Variants in MYO16 observed in about 807,000 individuals in gnomAD.
The protein encoded by MYO16 is myosin XVI.
Under a neutral mutation model 205.3 loss-of-function variants are expected in MYO16, and 94 were observed. That is an observed-to-expected ratio of 0.46 (90% CI 0.39 to 0.54). The LOEUF (loss-of-function observed/expected upper bound fraction) is 0.54, where lower values mean the gene tolerates loss of function less well. Ranked by LOEUF, MYO16 falls within the 20% of genes least tolerant of loss-of-function variation. The probability of loss-of-function intolerance (pLI) is 0.00; values close to 1 mark genes in which losing one functional copy is unlikely to be tolerated. For synonymous variants in MYO16, 988 were observed against 954.0 expected (o/e 1.04, Z -0.66); for missense variants, 2,315 against 2,387.5 (o/e 0.97, Z 0.63).
the MYO16 span, among the ~76,000 whole-genome samples, chr13:108,498,294 C>T: frequency 5.9e-5 from 9 of 151,946 alleles, no homozygotes; most frequent in African/African-American, 7.3e-5. Flanking sequence ...CAAGTGAAGG[C>T]GAAGAGGTCC....
intron 16 of MYO16, among the ~76,000 whole-genome samples, chr13:108,946,860 G>C (rs1882960510): frequency 6.6e-6 from 1 of 152,100 alleles, no homozygotes; most frequent in Non-Finnish European, 1.5e-5. Flanking sequence ...TCCCACTTCA[G>C]CCTCCCAAAT....
chr13:108,869,728 T>C (rs1267371575), intron 12 of MYO16, among the ~76,000 whole-genome samples: 17 of 63,142 alleles, frequency 2.7e-4, no homozygotes, highest in East Asian at 1.0e-3. Context: ...GAGACTCCGT[T>C]TCTAAAAAAA....
intron 1 of MYO16, among the ~76,000 whole-genome samples, chr13:108,608,443 G>C (rs554037780): frequency 6.6e-5 from 10 of 152,236 alleles, no homozygotes; most frequent in Non-Finnish European, 1.0e-4. Context: ...ATCGGACCTA[G>C]CCAGAACCCT....
chr13:108,822,918 ATG>A (rs1161181055), intron 8 of MYO16, among the ~76,000 whole-genome samples: 2 of 152,190 alleles, frequency 1.3e-5, no homozygotes, highest in Non-Finnish European at 2.9e-5. Context: ...TTATAATTAA[ATG>A]TGTCACTGAT....
At position 108,961,666 on chromosome 13, in the gene MYO16, A is replaced by G. The variant is rs370572550; in HGVS notation, c.2155+10A>G. ...CAGCTCCTGGAACAAGGTCAGTGGA[A>G]CATGACCTTCTGACATTAACCACAT... is the stretch of plus-strand genomic sequence containing the variant. On this transcript the variant is annotated intron_variant, in intron 18 of 34. Transcript: ENST00000457511. 4 of 1,579,994 alleles carry G rather than the reference A, an allele frequency of 2.5e-6. No individual in the cohort carries two copies. In the African/African-American group the frequency reaches 5.4e-5, roughly 21 times the overall value.
chr13:108,823,511 G>T (rs560011989), intron 9 of MYO16, among the ~76,000 whole-genome samples: 1 of 152,036 alleles, frequency 6.6e-6, no homozygotes, highest in Non-Finnish European at 1.5e-5. Flanking sequence ...AATTTCATGT[G>T]CCATGAGACC....
chr13:108,908,455 T>C (rs1881094116), intron 15 of MYO16, among the ~76,000 whole-genome samples: 1 of 152,206 alleles, frequency 6.6e-6, no homozygotes, highest in Non-Finnish European at 1.5e-5. Flanking sequence ...CTGTAGACAA[T>C]TAAATTGGGA....
At chr13:108,958,037 C>T (rs1380631126) in intron 17 of MYO16, among the ~76,000 whole-genome samples, 1 of 151,622 alleles carries the variant, frequency 6.6e-6, no homozygotes, top group Non-Finnish European at 1.5e-5. Flanking sequence ...GAAAACAGAG[C>T]AGTCAGCAGA....
the MYO16 span, among the ~76,000 whole-genome samples, chr13:108,574,284 G>C: frequency 2.0e-5 from 3 of 152,150 alleles, no homozygotes; most frequent in East Asian, 1.9e-4. Context: ...GGGAAAGTCA[G>C]GAAACTGTCT....
intron 16 of MYO16, among the ~76,000 whole-genome samples, chr13:108,914,106 T>C (rs1881383343): frequency 6.7e-6 from 1 of 150,240 alleles, no homozygotes; most frequent in South Asian, 2.1e-4. Flanking sequence ...TTGTTAATAA[T>C]TAGTGTATTT....
chr13:108,749,164 C>T (rs1030707180), intron 4 of MYO16, among the ~76,000 whole-genome samples: 15 of 151,624 alleles, frequency 9.9e-5, no homozygotes, highest in Non-Finnish European at 1.9e-4. Flanking sequence ...TTATTTTTTG[C>T]AGTGAGAACA....
intron 4 of MYO16, among the ~76,000 whole-genome samples, chr13:108,745,441 A>G (rs952962984): frequency 6.6e-6 from 1 of 152,184 alleles, no homozygotes; most frequent in Non-Finnish European, 1.5e-5. Flanking sequence ...TTTTATCCAT[A>G]AAACAGATGT....
At chr13:108,499,984 G>T in the MYO16 span, among the ~76,000 whole-genome samples, 1 of 151,454 alleles carries the variant, frequency 6.6e-6, no homozygotes, top group Non-Finnish European at 1.5e-5. Context: ...CTCTGCTCCG[G>T]CGGGCCCTCT....
intron 21 of MYO16, among the ~76,000 whole-genome samples, chr13:109,006,064 A>T (rs1157519487): frequency 6.6e-6 from 1 of 152,122 alleles, no homozygotes; most frequent in African/African-American, 2.4e-5. Context: ...AGCTGTCCTT[A>T]TATGGGCTAG....
At chr13:109,123,708 C>A (rs1876106962) in intron 29 of MYO16, among the ~76,000 whole-genome samples, 1 of 152,178 alleles carries the variant, frequency 6.6e-6, no homozygotes. Context: ...AAAACGCTTT[C>A]AGCATTTCAG....
At position 108,782,368 on chromosome 13, in the gene MYO16, G is replaced by A. The variant is rs190743251; in HGVS notation, c.508-3267G>A. 2.0e-4 allele frequency among the ~76,000 whole-genome samples: 31 copies of A among 152,272 alleles called. No individual in the cohort carries two copies. In the East Asian group the frequency reaches 5.4e-3, roughly 27 times the overall value. On this transcript the variant is annotated intron_variant, in intron 4 of 34. Transcript: ENST00000457511. ...CTTTGAACTTGAGAGAGATGATTTC[G>A]GGTATCTGGCAGAAGAAATGTCTAA...
At chr13:108,936,129 C>G (rs567592319) in intron 16 of MYO16, among the ~76,000 whole-genome samples, 1 of 145,570 alleles carries the variant, frequency 6.9e-6, no homozygotes, top group South Asian at 2.2e-4. Flanking sequence ...TCCTTCCTTC[C>G]TTCCTTCCTT....
At chr13:109,003,317 A>T (rs934101156) in intron 21 of MYO16, among the ~76,000 whole-genome samples, 8 of 152,254 alleles carry the variant, frequency 5.3e-5, no homozygotes, top group Admixed American at 1.3e-4. Flanking sequence ...TTACTTTAAA[A>T]TTTTTTCCCC....
At chr13:109,092,301 A>G (rs1443374599) in intron 27 of MYO16, among the ~76,000 whole-genome samples, 2 of 152,200 alleles carry the variant, frequency 1.3e-5, no homozygotes, top group African/African-American at 2.4e-5. Context: ...TAAGTAGTCA[A>G]TTAAAATTCA....
Sources: gnomAD v4.1 joint callset for allele counts (sites outside exome capture counted in the v4.1 genomes callset) on GRCh38, gnomAD v4.1.1 for gene constraint, MANE v1.5 for transcripts, NCBI Gene and HGNC (gene_info 2026-07-23, HGNC 2026-07-21) for gene names.